The following TTC27 variants were observed in gnomAD, a reference collection of about 807,000 sequenced individuals.
The protein encoded by TTC27 is tetratricopeptide repeat protein 27.
A neutral mutation model predicts 115.9 loss-of-function variants in TTC27; 79 were observed. The observed-to-expected ratio is 0.68, with a 90% CI of 0.57 to 0.82. The LOEUF (loss-of-function observed/expected upper bound fraction) is 0.82, where lower values mean the gene tolerates loss of function less well. TTC27 is among the 40% of genes least tolerant of loss of function. TTC27 has a pLI of 0.00. For synonymous variants in TTC27, 401 were observed against 356.0 expected (o/e 1.13, Z -1.42); for missense variants, 1,054 against 993.1 (o/e 1.06, Z -0.82).
Position 32,704,583 on chromosome 2 carries a change from G to A in TTC27, c.1233+1663G>A, listed in dbSNP as rs7564408. Among the ~76,000 whole-genome samples, 690 of 152,224 alleles carry A rather than the reference G, an allele frequency of 4.5e-3. 4 individuals carry two copies. The highest frequency in any genetic ancestry group is 0.015 in the African/African-American group (635 of 41,500). On this transcript the variant is annotated intron_variant, in intron 10 of 19. Transcript: ENST00000317907. The stretch of plus-strand genomic sequence containing the variant: ...CATATAGCCTTCACCGTGAGATCTC[G>A]TTTAGGCTTTATCAACTTGTCCTCA...
In TTC27 at chr2:32,640,366, C is replaced by T. The variant is rs780004614; in HGVS notation, c.493C>T (p.Arg165Cys). ...GAAGCCTATACTACTGTTATTAGCACGCATTATCCTAGTGAATGTAAGACA... is the reference window on the plus strand; with the variant it reads ...GAAGCCTATACTACTGTTATTAGCATGCATTATCCTAGTGAATGTAAGACA... ...TSKPILLLLA[R>C]IILVNVRHKL... The change falls in exon 4 of 20, where the codon CGC becomes TGC. Residue 165 changes from arginine (R) to cysteine (C), a missense_variant. Transcript: ENST00000317907. The T allele has an allele frequency of 8.1e-6, 13 of 1,613,828 alleles. No homozygotes were observed. In the South Asian group the frequency reaches 8.8e-5, roughly 11 times the overall value.
intron 10 of TTC27, among the ~76,000 whole-genome samples, chr2:32,714,776 A>G (rs181166725): frequency 4.7e-4 from 72 of 152,186 alleles, no homozygotes; most frequent in African/African-American, 1.7e-3. Context: ...TTTAATACCC[A>G]TTCTGACTAT....
chr2:32,641,275 T>C (rs185953319), intron 4 of TTC27, among the ~76,000 whole-genome samples: 89 of 152,214 alleles, frequency 5.8e-4, no homozygotes, highest in Non-Finnish European at 1.1e-3. Context: ...TAGTGGAGGT[T>C]GTCAGCCACG....
chr2:32,784,153 C>T (rs879408969), intron 15 of TTC27, among the ~76,000 whole-genome samples: 14 of 152,234 alleles, frequency 9.2e-5, no homozygotes, highest in South Asian at 2.1e-4. Context: ...TCTGGCAACC[C>T]GGATAAGTTT....
rs772578663 is a variant in TTC27 at position 32,733,873 on chromosome 2, C to T, written c.1279C>T (p.Arg427Cys). ...FEDKTTSVLERLKIFYCCQVP... is the reference protein window; with the variant it reads ...FEDKTTSVLECLKIFYCCQVP... ...AGATAAAACTACATCTGTATTGGAA[C>T]GCCTGAAGATTTTCTATTGCTGTCA... The change falls in exon 11 of 20, where the codon CGC becomes TGC. Residue 427 changes from arginine to cysteine, a missense_variant. By Grantham distance (180) the Arg-to-Cys change is radical. Transcript: ENST00000317907. The T allele has an allele frequency of 1.1e-5, 17 of 1,612,164 alleles. No homozygotes were observed. The highest frequency in any genetic ancestry group is 2.7e-5 in the African/African-American group (2 of 74,852).
At position 32,672,320 on chromosome 2, in the gene TTC27, G is replaced by A. The variant is rs1666041531; in HGVS notation, c.988G>A (p.Asp330Asn). The change falls in exon 8 of 20, where the codon GAT (aspartate) becomes AAT (asparagine). Residue 330 changes from aspartate to asparagine, a missense_variant. Transcript: ENST00000317907. ...CATTCTGAATGACATAAAGTTAGCAGATTGTGAACAGTTCCAGATGCCGGA... is the reference window on the plus strand; with the variant it reads ...CATTCTGAATGACATAAAGTTAGCAAATTGTGAACAGTTCCAGATGCCGGA... ...DTILNDIKLADCEQFQMPDLC... is the reference protein window; with the variant it reads ...DTILNDIKLANCEQFQMPDLC... 1 of 1,613,968 alleles carries A rather than the reference G, an allele frequency of 6.2e-7. No homozygotes were observed. Among genetic ancestry groups the A allele is most frequent in the Non-Finnish European group, 8.5e-7 (1 of 1,179,902 alleles).
At position 32,733,762 on chromosome 2, in the gene TTC27, C is replaced by G. The variant is rs984946597; in HGVS notation, c.1234-66C>G. On this transcript the variant is annotated intron_variant, in intron 10 of 19. Coordinates refer to ENST00000317907, the MANE Select transcript of TTC27 (RefSeq NM_017735.5). ...TATATGTGCATTTGTATAACTATTA[C>G]AATAAGGACTTATTTATATTATAAG... 3.1e-6 allele frequency: 3 copies of G among 978,362 alleles called. No individual in the cohort carries two copies. In the African/African-American group the frequency reaches 5.1e-5, roughly 17 times the overall value. 60.6% of individuals were successfully genotyped at this position (978,362 alleles called of 1,614,324 possible). A position where few individuals can be genotyped will look rare whatever the true frequency, so the allele number is the denominator to read the frequency against.
intron 16 of TTC27, among the ~76,000 whole-genome samples, chr2:32,798,578 G>A (rs558063802): frequency 2.0e-5 from 3 of 150,914 alleles, no homozygotes; most frequent in East Asian, 1.9e-4. Context: ...GGTGGTGGGC[G>A]CCTGTGGTCC....
chr2:32,776,233 T>G (rs1485221715), intron 13 of TTC27, among the ~76,000 whole-genome samples: 1 of 152,210 alleles, frequency 6.6e-6, no homozygotes, highest in Non-Finnish European at 1.5e-5. Flanking sequence ...ATGGCCCAAG[T>G]CTGCTTGCTT....
intron 16 of TTC27, among the ~76,000 whole-genome samples, chr2:32,803,871 G>A (rs1671042533): frequency 6.6e-6 from 1 of 152,072 alleles, no homozygotes; most frequent in Admixed American, 6.5e-5. Context: ...GCCAGGTGTG[G>A]TGGCATGCAT....
rs117932944 is a variant in TTC27, at chr2:32,649,455, C to T, written c.538-676C>T. Among the ~76,000 whole-genome samples, 193 of 152,226 alleles carry T rather than the reference C, an allele frequency of 1.3e-3. 2 individuals are homozygous for T. In the East Asian group the frequency reaches 0.034, roughly 27 times the overall value. ...GGAAGTTCAGGTGATGGAAAAATCA[C>T]CCCCACAGGGGGTTCTTGTGGGGCC... On this transcript the variant is annotated intron_variant, in intron 4 of 19. Transcript: ENST00000317907.
At chr2:32,742,131 T>C (rs1026523245) in intron 12 of TTC27, among the ~76,000 whole-genome samples, 2 of 152,220 alleles carry the variant, frequency 1.3e-5, no homozygotes, top group African/African-American at 4.8e-5. Flanking sequence ...CTTTACTGAT[T>C]AGCATTACTA....
At chr2:32,690,725 A>T (rs1164232407) in intron 9 of TTC27, among the ~76,000 whole-genome samples, 1 of 152,218 alleles carries the variant, frequency 6.6e-6, no homozygotes, top group Admixed American at 6.5e-5. Context: ...CTACCTAGCA[A>T]GGATAGGGGA....
intron 10 of TTC27, among the ~76,000 whole-genome samples, chr2:32,728,889 C>A (rs1418198723): frequency 6.6e-6 from 1 of 152,142 alleles, no homozygotes. Context: ...CTTGACTAGT[C>A]TATTTGTAAA....
At chr2:32,636,735 A>G (rs1272188190) in intron 3 of TTC27, among the ~76,000 whole-genome samples, 3 of 152,226 alleles carry the variant, frequency 2.0e-5, no homozygotes, top group African/African-American at 7.2e-5. Flanking sequence ...GAGTTTCATG[A>G]GAAGTTCAGA....
intron 4 of TTC27, among the ~76,000 whole-genome samples, chr2:32,645,739 CAG>C (rs1664828702): frequency 6.6e-6 from 1 of 151,456 alleles, no homozygotes; most frequent in Non-Finnish European, 1.5e-5. Flanking sequence ...TTTTTTGAGA[CAG>C]AGTTTTACTC....
chr2:32,703,792 G>T (rs1348143080), intron 10 of TTC27, among the ~76,000 whole-genome samples: 1 of 152,202 alleles, frequency 6.6e-6, no homozygotes, highest in Non-Finnish European at 1.5e-5. Flanking sequence ...ATAGATGTAG[G>T]ATTTCGTAAC....
intron 10 of TTC27, among the ~76,000 whole-genome samples, chr2:32,714,798 A>G (rs1572541884): frequency 6.6e-6 from 1 of 152,186 alleles, no homozygotes; most frequent in Admixed American, 6.5e-5. Context: ...GTGAGATGGT[A>G]TCTCATTGTA....
chr2:32,818,585 T>C (rs1387190147), intron 19 of TTC27, among the ~76,000 whole-genome samples: 1 of 152,242 alleles, frequency 6.6e-6, no homozygotes, highest in East Asian at 1.9e-4. Flanking sequence ...GGAAATCTGT[T>C]GAATTTCCTA....
Sources: allele counts gnomAD v4.1 joint callset (sites outside exome capture counted in the v4.1 genomes callset), GRCh38; gene constraint gnomAD v4.1.1; transcripts MANE v1.5; gene names NCBI Gene and HGNC (gene_info 2026-07-23, HGNC 2026-07-21).